Variants in SH3RF1 observed in about 807,000 individuals in gnomAD.
The protein encoded by SH3RF1 is SH3 domain containing ring finger 1.
A neutral mutation model predicts 74.0 loss-of-function variants in SH3RF1; 32 were observed. The observed-to-expected ratio is 0.43, with a 90% CI of 0.33 to 0.58. SH3RF1 has a LOEUF of 0.58. Among genes scored for constraint, SH3RF1 ranks in the 20% least tolerant of loss-of-function variants. The pLI is 0.05. For missense variants in SH3RF1, 954 were observed against 1,130.9 expected (o/e 0.84, Z 2.24); for synonymous variants, 396 against 439.6 (o/e 0.90, Z 1.24).
chr4:169,102,037 C>T (rs1370662121), intron 11 of SH3RF1, among the ~76,000 whole-genome samples: 2 of 152,156 alleles, frequency 1.3e-5, no homozygotes, highest in South Asian at 2.1e-4. Context: ...GTAGTTCATA[C>T]ATTTTCATTT....
intron 2 of SH3RF1, among the ~76,000 whole-genome samples, chr4:169,230,237 T>C (rs1730714002): frequency 6.6e-6 from 1 of 152,144 alleles, no homozygotes; most frequent in Non-Finnish European, 1.5e-5. Context: ...TTTAATTCAA[T>C]ATGACTTTAA....
At chr4:169,236,680 T>C (rs1730827959) in intron 2 of SH3RF1, among the ~76,000 whole-genome samples, 1 of 152,226 alleles carries the variant, frequency 6.6e-6, no homozygotes, top group African/African-American at 2.4e-5. Flanking sequence ...AAGAACCCAC[T>C]ACTGTCCCCA....
At chr4:169,188,055 G>A (rs1476712700) in intron 2 of SH3RF1, among the ~76,000 whole-genome samples, 1 of 152,004 alleles carries the variant, frequency 6.6e-6, no homozygotes, top group Non-Finnish European at 1.5e-5. Flanking sequence ...GGCAACCACC[G>A]AAAACTAGGA....
intron 2 of SH3RF1, among the ~76,000 whole-genome samples, chr4:169,174,222 T>G (rs868863883): frequency 6.6e-6 from 1 of 152,084 alleles, no homozygotes; most frequent in Non-Finnish European, 1.5e-5. Flanking sequence ...CCAGCATACC[T>G]GGCTAATTTT....
intron 10 of SH3RF1, among the ~76,000 whole-genome samples, chr4:169,111,858 G>A (rs1465973738): frequency 6.6e-6 from 1 of 152,202 alleles, no homozygotes; most frequent in Non-Finnish European, 1.5e-5. Context: ...AAACCACGGA[G>A]TGCAGACACC....
intron 5 of SH3RF1, among the ~76,000 whole-genome samples, chr4:169,131,853 A>G (rs1476103642): frequency 1.3e-5 from 2 of 152,196 alleles, no homozygotes; most frequent in East Asian, 3.9e-4. Flanking sequence ...CTTTGTTTGC[A>G]TAGAAGTGCA....
chr4:169,113,999 T>C (rs1306578588), intron 10 of SH3RF1, among the ~76,000 whole-genome samples: 1 of 152,140 alleles, frequency 6.6e-6, no homozygotes, highest in Non-Finnish European at 1.5e-5. Context: ...TGTCTGAAGA[T>C]GGCACAGGGC....
chr4:169,167,254 A>G (rs1257641148), intron 2 of SH3RF1: 1 of 152,704 alleles, frequency 6.5e-6, no homozygotes, highest in Non-Finnish European at 1.5e-5. Context: ...ACTGCAAAAT[A>G]AAACCAAAAT....
chr4:169,124,100 T>C (rs1376227118), intron 6 of SH3RF1, among the ~76,000 whole-genome samples: 1 of 151,918 alleles, frequency 6.6e-6, no homozygotes, highest in Non-Finnish European at 1.5e-5. Context: ...GGTGAGATAA[T>C]CGGTCTACAC....
intron 11 of SH3RF1, among the ~76,000 whole-genome samples, chr4:169,106,359 A>G (rs922442173): frequency 6.6e-6 from 1 of 151,868 alleles, no homozygotes; most frequent in African/African-American, 2.4e-5. Context: ...ATATGAGTAT[A>G]TTTTCAGTGT....
At chr4:169,117,867 G>C (rs1733364265) in intron 8 of SH3RF1, 85 bp from the exon 9 acceptor site, 3 of 1,472,598 alleles carry the variant, frequency 2.0e-6, no homozygotes. Context: ...AAATGACTCA[G>C]AGCTTTAAAC....
chr4:169,109,690 G>C (rs1579086408), intron 10 of SH3RF1, among the ~76,000 whole-genome samples: 1 of 124,800 alleles, frequency 8.0e-6, no homozygotes, highest in African/African-American at 2.5e-5. Flanking sequence ...ACCAACAGCA[G>C]AAATGAAAAC....
intron 4 of SH3RF1, among the ~76,000 whole-genome samples, chr4:169,152,051 C>T (rs981019396): frequency 6.6e-6 from 1 of 152,174 alleles, no homozygotes; most frequent in Non-Finnish European, 1.5e-5. Flanking sequence ...GATTAAAAAT[C>T]TGTTTTTTTA....
At chr4:169,225,598 G>C (rs752869862) in intron 2 of SH3RF1, among the ~76,000 whole-genome samples, 2 of 152,210 alleles carry the variant, frequency 1.3e-5, no homozygotes, top group Non-Finnish European at 2.9e-5. Flanking sequence ...AGACTGTCAA[G>C]ACTGCAGTTT....
At chr4:169,185,981 T>C (rs1734595801) in intron 2 of SH3RF1, among the ~76,000 whole-genome samples, 1 of 152,190 alleles carries the variant, frequency 6.6e-6, no homozygotes, top group South Asian at 2.1e-4. Context: ...CACCGCCTGC[T>C]TCCTCCCCAG....
chr4:169,164,140 T>A (rs969252617), intron 2 of SH3RF1, among the ~76,000 whole-genome samples: 4 of 152,192 alleles, frequency 2.6e-5, no homozygotes, highest in African/African-American at 9.7e-5. Context: ...ATGGCCCTTA[T>A]CTTACTCAGT....
chr4:169,212,028 T>G (rs1183618320), intron 2 of SH3RF1, among the ~76,000 whole-genome samples: 1 of 151,620 alleles, frequency 6.6e-6, no homozygotes, highest in Non-Finnish European at 1.5e-5. Flanking sequence ...TATAAGATCT[T>G]GTTTTCTAAT....
chr4:169,096,255 A>AG lies in SH3RF1; in HGVS notation c.*263_*264insC. 6.3e-6 allele frequency: 1 copy of AG among 159,332 alleles called. No homozygotes were observed. The highest frequency in any genetic ancestry group is 6.8e-5 in the Admixed American group (1 of 14,788). 9.9% of individuals were successfully genotyped at this position (159,332 alleles called of 1,614,324 possible). On this transcript the variant is annotated 3_prime_UTR_variant, in exon 12 of 12. Coordinates refer to ENST00000284637, the MANE Select transcript of SH3RF1 (RefSeq NM_020870.4). ...ATTGTCCATTTTAGTCATATATCTT[A>AG]AAAAAAAAAAAAAGTTTCTCTGTGT...
At chr4:169,235,926 C>T (rs918729599) in intron 2 of SH3RF1, among the ~76,000 whole-genome samples, 2 of 152,228 alleles carry the variant, frequency 1.3e-5, no homozygotes, top group Admixed American at 6.5e-5. Context: ...GGTGATCCAC[C>T]CACCTCAGCC....
Sources: allele counts gnomAD v4.1 joint callset (sites outside exome capture counted in the v4.1 genomes callset), GRCh38; gene constraint gnomAD v4.1.1; transcripts MANE v1.5; gene names NCBI Gene and HGNC (gene_info 2026-07-23, HGNC 2026-07-21).